CD274: variants seen among roughly 807,000 people sequenced by gnomAD.
CD274 encodes CD274 molecule.
Under a neutral mutation model 30.1 loss-of-function variants are expected in CD274, and 8 were observed. The ratio of observed to expected loss-of-function variants is 0.27; its 90% confidence interval spans 0.16 to 0.48. CD274 has a LOEUF of 0.48. Ranked by LOEUF, CD274 falls within the 20% of genes least tolerant of loss-of-function variation. The pLI is 0.99. For synonymous variants in CD274, 152 were observed against 124.6 expected (o/e 1.22, Z -1.46); for missense variants, 353 against 346.6 (o/e 1.02, Z -0.15).
intron 5 of CD274, 145 bp downstream of exon 5, chr9:5,465,751 G>C (rs1819488047): frequency 1.8e-6 from 1 of 566,142 alleles, no homozygotes; most frequent in South Asian, 2.2e-5. Context: ...TTGAAGCTGA[G>C]TGGGATCACT....
intron 1 of CD274, among the ~76,000 whole-genome samples, chr9:5,451,788 G>C (rs1819208405): frequency 6.6e-6 from 1 of 152,118 alleles, no homozygotes; most frequent in South Asian, 2.1e-4. Context: ...ATAAAGTTTG[G>C]TCACTTAGTA....
chr9:5,462,760 T>C, intron 3 of CD274, 74 bp from the exon 4 acceptor site: 7 of 1,372,364 alleles, frequency 5.1e-6, no homozygotes, highest in South Asian at 1.3e-5. Flanking sequence ...CTCTTTCTAA[T>C]GTGGACAGCA....
chr9:5,453,174 G>C (rs923906348), intron 1 of CD274, among the ~76,000 whole-genome samples: 2 of 151,870 alleles, frequency 1.3e-5, no homozygotes, highest in Admixed American at 1.3e-4. Context: ...GGAAAGGAAA[G>C]AAATAAAAAA....
intron 1 of CD274, among the ~76,000 whole-genome samples, chr9:5,454,270 C>T (rs995733730): frequency 6.6e-6 from 1 of 152,252 alleles, no homozygotes; most frequent in Middle Eastern, 3.4e-3. Context: ...ATAATCTCAT[C>T]TCTCTTTTTC....
chr9:5,458,155 G>T (rs1468791107), intron 3 of CD274, among the ~76,000 whole-genome samples: 1 of 152,188 alleles, frequency 6.6e-6, no homozygotes, highest in African/African-American at 2.4e-5. Context: ...TATGTTATCA[G>T]GTCACTTGAG....
At chr9:5,460,794 T>C (rs139639421) in intron 3 of CD274, among the ~76,000 whole-genome samples, 2 of 152,322 alleles carry the variant, frequency 1.3e-5, no homozygotes, top group African/African-American at 4.8e-5. Flanking sequence ...AAAATTTTGA[T>C]TACTCATCTC....
intron 1 of CD274, among the ~76,000 whole-genome samples, chr9:5,451,578 G>A (rs1189699841): frequency 6.6e-6 from 1 of 152,202 alleles, no homozygotes; most frequent in South Asian, 2.1e-4. Context: ...AGTATTTAAG[G>A]AGAACTATGA....
intron 2 of CD274, among the ~76,000 whole-genome samples, 172 bp from the exon 3 acceptor site, chr9:5,456,907 T>C (rs1819313602): frequency 6.6e-6 from 1 of 152,234 alleles, no homozygotes; most frequent in Non-Finnish European, 1.5e-5. Flanking sequence ...GCATGAGATA[T>C]AGTGTCCCAA....
chr9:5,463,727 C>T (rs557943341), intron 4 of CD274, among the ~76,000 whole-genome samples: 10 of 152,316 alleles, frequency 6.6e-5, no homozygotes, highest in African/African-American at 2.4e-4. Context: ...GGGCAAATTA[C>T]TAGACTTCTG....
chr9:5,469,133 T>C lies in CD274; in HGVS notation c.*1271T>C, dbSNP rs1391472129. 1 of 233,004 alleles carries C rather than the reference T, an allele frequency of 4.3e-6. No homozygotes were observed. The allele number at this position is 233,004 out of a possible 1,614,324, so 14.4% of individuals were successfully genotyped here. On this transcript the variant is annotated 3_prime_UTR_variant, in exon 7 of 7. Coordinates refer to ENST00000381577, the MANE Select transcript of CD274 (RefSeq NM_014143.4). ...AACATCTTAATAATCAGAGTAATTT[T>C]CATTTACAAAGAGAGGTCGGTACTT...
In CD274 at chr9:5,470,537, G is replaced by A. The variant is rs1819572956; in HGVS notation, c.*2675G>A. On this transcript the variant is annotated 3_prime_UTR_variant, in exon 7 of 7. Transcript: ENST00000381577. ...TTGTTTATTTTGTGTTTAATAAAAT[G>A]TTCAGTTTAACATCCCAGTGGAGAA... 4.9e-6 allele frequency: 1 copy of A among 203,580 alleles called. No homozygotes were observed. Among genetic ancestry groups the A allele is most frequent in the Admixed American group, 6.0e-5 (1 of 16,672 alleles). 12.6% of individuals were successfully genotyped at this position (203,580 alleles called of 1,614,324 possible).
chr9:5,466,650 T>C, intron 5 of CD274, 120 bp from the exon 6 acceptor site: 2 of 696,788 alleles, frequency 2.9e-6, no homozygotes, highest in Non-Finnish European at 5.0e-6. Flanking sequence ...GGAATAAGGA[T>C]GTCCACCAGA....
chr9:5,462,991 C>T lies in CD274; in HGVS notation c.552C>T (p.Ser184=), dbSNP rs1819432765. 1 of 1,614,016 alleles carries T rather than the reference C, an allele frequency of 6.2e-7. No homozygotes were observed. Among genetic ancestry groups the T allele is most frequent in the Non-Finnish European group, 8.5e-7 (1 of 1,179,938 alleles). Residue 184 remains serine, a synonymous_variant, in exon 4 of 7, where the codon TCC becomes TCT. Transcript: ENST00000381577. The part of the protein sequence containing the change: ...VLSGKTTTTN[S]KREEKLFNVT... ...GTGGTAAGACCACCACCACCAATTC[C>T]AAGAGAGAGGAGAAGCTTTTCAATG...
intron 6 of CD274, among the ~76,000 whole-genome samples, chr9:5,467,492 A>G (rs1353134501): frequency 1.3e-5 from 2 of 152,222 alleles, no homozygotes; most frequent in African/African-American, 2.4e-5. Context: ...ATGTAGTTAG[A>G]AACCAAACTT....
rs1282309370 is a variant in CD274, at chr9:5,463,008, T to G, written c.569T>G (p.Leu190Arg). The G allele has an allele frequency of 1.1e-5, 18 of 1,613,892 alleles. 1 individual carries two copies. In the Admixed American group the frequency reaches 3.0e-4, roughly 27 times the overall value. Residue 190 changes from leucine to arginine, a missense_variant, in exon 4 of 7, where the codon CTT becomes CGT. Leu to Arg is a moderately radical substitution (Grantham distance 102, BLOSUM62 -2). Coordinates refer to ENST00000381577, the MANE Select transcript of CD274 (RefSeq NM_014143.4). ...TTTNSKREEK[L>R]FNVTSTLRIN... is the part of the protein sequence containing the mutation. ...ACCAATTCCAAGAGAGAGGAGAAGC[T>G]TTTCAATGTGACCAGCACACTGAGA... is the stretch of plus-strand genomic sequence containing the variant.
intron 3 of CD274, among the ~76,000 whole-genome samples, chr9:5,459,363 C>CAA (rs1286748844): frequency 8.5e-5 from 13 of 152,200 alleles, no homozygotes; most frequent in African/African-American, 3.1e-4. Flanking sequence ...GCACTTAGAA[C>CAA]AAGGCAACCA....
chr9:5,467,206 G>C (rs1391450891), intron 6 of CD274, among the ~76,000 whole-genome samples: 1 of 30,786 alleles, frequency 3.2e-5, no homozygotes, highest in Non-Finnish European at 5.8e-5. Context: ...TTACCAAAGA[G>C]AGAGAGAGAG....
At chr9:5,451,998 G>A (rs1275266772) in intron 1 of CD274, among the ~76,000 whole-genome samples, 1 of 149,734 alleles carries the variant, frequency 6.7e-6, no homozygotes, top group African/African-American at 2.5e-5. Context: ...CTACTTTTGA[G>A]AAAGGAAGTT....
chr9:5,456,098 AG>A lies in CD274; in HGVS notation c.-13del. On this transcript the variant is annotated splice_acceptor_variant, in intron 1 of 6. Transcript: ENST00000381577. LOFTEE classifies it low-confidence loss of function (5UTR_SPLICE). ...TCTTCTTTTCGTGTTTTCCATAATTAGGGCATTCCAGAAAGATGAGGATATT... is the reference window on the plus strand; with the variant it reads ...TCTTCTTTTCGTGTTTTCCATAATTAGGCATTCCAGAAAGATGAGGATATT... The A allele has an allele frequency of 6.3e-7, 1 of 1,576,270 alleles. No individual in the cohort carries two copies. The highest frequency in any genetic ancestry group is 1.1e-5 in the South Asian group (1 of 89,918).
Sources: gnomAD v4.1 joint callset for allele counts (sites outside exome capture counted in the v4.1 genomes callset) on GRCh38, gnomAD v4.1.1 for gene constraint, MANE v1.5 for transcripts, NCBI Gene and HGNC (gene_info 2026-07-23, HGNC 2026-07-21) for gene names.